The following AARS1 variants were observed in gnomAD, a reference collection of about 807,000 sequenced individuals.
AARS1 encodes the protein alanyl-tRNA synthetase 1.
A neutral mutation model predicts 108.9 loss-of-function variants in AARS1; 72 were observed. That is an observed-to-expected ratio of 0.66 (90% CI 0.55 to 0.80). The LOEUF (loss-of-function observed/expected upper bound fraction) is 0.80, where lower values mean the gene tolerates loss of function less well. Among genes scored for constraint, AARS1 ranks in the 30% least tolerant of loss-of-function variants. The probability of loss-of-function intolerance (pLI) is 0.00; values close to 1 mark genes in which losing one functional copy is unlikely to be tolerated. For synonymous variants in AARS1, 489 were observed against 465.7 expected, an observed-to-expected ratio of 1.05 and a Z score of -0.64; for missense variants, 1,193 against 1,233.2, an observed-to-expected ratio of 0.97 and a Z score of 0.49.
intron 14 of AARS1, among the ~76,000 whole-genome samples, chr16:70,258,544 G>A (rs1301052745): frequency 1.3e-5 from 2 of 152,140 alleles, no homozygotes; most frequent in Non-Finnish European, 2.9e-5. Flanking sequence ...CAAAAGCACA[G>A]ATGGAGAATC....
intron 2 of AARS1, among the ~76,000 whole-genome samples, chr16:70,281,423 T>C (rs1960692514): frequency 6.6e-6 from 1 of 152,132 alleles, no homozygotes; most frequent in African/African-American, 2.4e-5. Flanking sequence ...CCCAGCACTT[T>C]GGGAGGCTGA....
At chr16:70,283,200 C>T (rs1194199612) in intron 1 of AARS1, among the ~76,000 whole-genome samples, 2 of 152,042 alleles carry the variant, frequency 1.3e-5, no homozygotes, top group Non-Finnish European at 2.9e-5. Flanking sequence ...AGTTCAAGAC[C>T]AGCCTGGCCA....
At chr16:70,263,265 T>G (rs888417530) in intron 11 of AARS1, among the ~76,000 whole-genome samples, 10 of 151,964 alleles carry the variant, frequency 6.6e-5, no homozygotes, top group Non-Finnish European at 1.3e-4. Flanking sequence ...CTTGCTTGAA[T>G]AGATTTAGGT....
At chr16:70,267,903 C>A in intron 8 of AARS1, 94 bp from the exon 9 acceptor site, 1 of 1,559,618 alleles carries the variant, frequency 6.4e-7, no homozygotes. Flanking sequence ...TGCAGTGGCT[C>A]ACGCCTGTAA....
At chr16:70,281,650 C>T (rs956226356) in intron 2 of AARS1, among the ~76,000 whole-genome samples, 1 of 151,372 alleles carries the variant, frequency 6.6e-6, no homozygotes, top group African/African-American at 2.4e-5. Context: ...TGGACGACAG[C>T]GAGACTCTGT....
At chr16:70,289,027 A>T (rs1960952941) in intron 1 of AARS1, among the ~76,000 whole-genome samples, 1 of 152,136 alleles carries the variant, frequency 6.6e-6, no homozygotes, top group Non-Finnish European at 1.5e-5. Flanking sequence ...GCTTAAGATG[A>T]CGGTCTCGGT....
intron 4 of AARS1, among the ~76,000 whole-genome samples, chr16:70,273,740 G>A (rs2152164697): frequency 6.6e-6 from 1 of 151,758 alleles, no homozygotes; most frequent in African/African-American, 2.4e-5. Flanking sequence ...GTGGGCGCCT[G>A]TAGTCCCAGC....
chr16:70,262,553 A>C (rs1597437867), intron 11 of AARS1, 29 bp from the exon 12 acceptor site: 6 of 1,592,138 alleles, frequency 3.8e-6, no homozygotes, highest in Non-Finnish European at 5.2e-6. Context: ...TAGAAAGGGG[A>C]CAGTGGGGTC....
chr16:70,272,424 A>G (rs1441607569), intron 4 of AARS1, among the ~76,000 whole-genome samples: 1 of 146,326 alleles, frequency 6.8e-6, no homozygotes, highest in Non-Finnish European at 1.5e-5. Context: ...GAGAATCACT[A>G]GAACCCAGGA....
chr16:70,253,934 G>A lies in AARS1; in HGVS notation c.2505C>T (p.Ala835=), dbSNP rs769571173. The change falls in exon 18 of 21, where the codon GCC becomes GCT. Residue 835 remains alanine (A), a synonymous_variant. Transcript: ENST00000261772. ...VMDDLDRASK[A]DVQKRVLEKT... ...CAGGACTCACTCGTTTCTGGACATC[G>A]GCTTTGCTGGCTCGGTCCAAGTCAT... The A allele has an allele frequency of 6.8e-6, 11 of 1,614,196 alleles. No individual in the cohort carries two copies. Among genetic ancestry groups the A allele is most frequent in the East Asian group, 2.2e-5 (1 of 44,890 alleles).
intron 16 of AARS1, 103 bp from the exon 17 acceptor site, chr16:70,254,837 A>G: frequency 1.3e-6 from 1 of 744,702 alleles, no homozygotes; most frequent in Non-Finnish European, 2.4e-6. Flanking sequence ...CCTTGCAGCA[A>G]CATACCCCAA....
At chr16:70,261,472 C>A (rs1399628338) in intron 12 of AARS1, 1 of 318,220 alleles carries the variant, frequency 3.1e-6, no homozygotes. Context: ...AAGGCAAGTG[C>A]CTATAATTCC....
chr16:70,257,712 C>A (rs1241429808), intron 15 of AARS1, among the ~76,000 whole-genome samples: 2 of 152,182 alleles, frequency 1.3e-5, no homozygotes, highest in Non-Finnish European at 2.9e-5. Flanking sequence ...GCACTCCAGG[C>A]CTTGCTGAAT....
intron 20 of AARS1, 31 bp downstream of exon 20, chr16:70,253,237 A>C: frequency 6.5e-7 from 1 of 1,547,518 alleles, no homozygotes; most frequent in Non-Finnish European, 8.9e-7. Flanking sequence ...TTAAGACCTA[A>C]CACTTCCCAC....
chr16:70,255,922 G>A (rs1959981419), intron 15 of AARS1, 86 bp from the exon 16 acceptor site: 1 of 1,268,324 alleles, frequency 7.9e-7, no homozygotes, highest in South Asian at 1.3e-5. Context: ...AGAGAAGCAG[G>A]AATGGGTTGA....
chr16:70,259,270 AT>A, intron 13 of AARS1, 84 bp from the exon 14 acceptor site: 2 of 1,401,054 alleles, frequency 1.4e-6, no homozygotes, highest in Non-Finnish European at 2.0e-6. Context: ...GAGTGCTACA[AT>A]TTTTAGTTGG....
At position 70,262,413 on chromosome 16, in the gene AARS1, T is replaced by C. The variant is rs756650948; in HGVS notation, c.1604A>G (p.Tyr535Cys). 8.1e-6 allele frequency: 13 copies of C among 1,614,056 alleles called. No individual in the cohort carries two copies. Among genetic ancestry groups the C allele is most frequent in the East Asian group, 2.2e-5 (1 of 44,888 alleles). ...ATAGATCTGGCCTCCTTGCTCAGCA[T>C]AGAAACAGGTCTTGTCCAGCACCAC... ...CGVVLDKTCF[Y>C]AEQGGQIYDE... The change falls in exon 12 of 21, where the codon TAT becomes TGT. Residue 535 changes from tyrosine (Y) to cysteine (C), a missense_variant. Physicochemically the swap from Tyr to Cys is radical, Grantham distance 194 (BLOSUM62 -2). Coordinates refer to ENST00000261772, the MANE Select transcript of AARS1 (RefSeq NM_001605.3).
chr16:70,282,520 G>A, intron 2 of AARS1, 100 bp downstream of exon 2: 2 of 1,442,906 alleles, frequency 1.4e-6, no homozygotes, highest in African/African-American at 1.4e-5. Flanking sequence ...CACAGGGAGT[G>A]ACAGAACCAG....
intron 16 of AARS1, among the ~76,000 whole-genome samples, 178 bp from the exon 17 acceptor site, chr16:70,254,912 C>T (rs1226840733): frequency 6.6e-6 from 1 of 152,198 alleles, no homozygotes; most frequent in Non-Finnish European, 1.5e-5. Flanking sequence ...GAGCACAGTG[C>T]TCACAGGCCC....
Sources: gnomAD v4.1 joint callset for allele counts (sites outside exome capture counted in the v4.1 genomes callset) on GRCh38, gnomAD v4.1.1 for gene constraint, MANE v1.5 for transcripts, NCBI Gene and HGNC (gene_info 2026-07-23, HGNC 2026-07-21) for gene names.